SEM1: variants seen among roughly 807,000 people sequenced by gnomAD.
The protein encoded by SEM1 is 26S proteasome complex subunit SEM1.
SEM1 carries 3 observed loss-of-function variants against 12.7 expected under a neutral mutation model. The observed-to-expected ratio is 0.24, with a 90% CI of 0.11 to 0.61. The LOEUF (loss-of-function observed/expected upper bound fraction) is 0.61. SEM1 is among the 20% of genes least tolerant of loss of function. The pLI is 0.88. For missense variants in SEM1, 59 were observed against 81.3 expected (o/e 0.73, Z 1.06); for synonymous variants, 30 against 27.8 (o/e 1.08, Z -0.25).
exon 3 of SEM1, chr7:96,673,648 G>T: frequency 1.5e-6 from 1 of 669,354 alleles, no homozygotes; most frequent in South Asian, 1.7e-5. Context: ...CCTCCTTACT[G>T]ACTCCATGCA....
At chr7:96,582,004 C>G (rs1418497909) in intron 2 of SEM1, among the ~76,000 whole-genome samples, 4 of 147,246 alleles carry the variant, frequency 2.7e-5, no homozygotes, top group African/African-American at 7.5e-5. Context: ...ACTTCCAACA[C>G]TATGTTGAAT....
Position 96,554,805 on chromosome 7 carries a change from G to A in SEM1, c.171-48107C>T, listed in dbSNP as rs557534521. 2.9e-3 allele frequency among the ~76,000 whole-genome samples: 440 copies of A among 151,540 alleles called. 2 individuals carry two copies. Among genetic ancestry groups the A allele is most frequent in the African/African-American group, 0.01 (425 of 41,272 alleles). On this transcript the variant is annotated intron_variant and NMD_transcript_variant, in intron 2 of 3. Transcript: ENST00000466986. The stretch of plus-strand genomic sequence containing the variant: ...CCTCCTTGTACCTCTGGTAGAATTC[G>A]GCTGTGAATCTATCTGGTCCTAGAC...
chr7:96,700,526 T>C (rs1037485481), intron 1 of SEM1, among the ~76,000 whole-genome samples: 1 of 152,152 alleles, frequency 6.6e-6, no homozygotes, highest in Non-Finnish European at 1.5e-5. Context: ...CGTACTTCCT[T>C]TTCCCATTTA....
At chr7:96,491,202 A>T (rs1452364617) in intron 1 of SEM1, among the ~76,000 whole-genome samples, 1 of 152,206 alleles carries the variant, frequency 6.6e-6, no homozygotes. Context: ...TTTGATAAAA[A>T]AAATTCTTCT....
intron 1 of SEM1, among the ~76,000 whole-genome samples, chr7:96,704,041 A>G (rs1013735687): frequency 4.0e-5 from 6 of 151,832 alleles, no homozygotes; most frequent in East Asian, 3.9e-4. Context: ...AAAAACCCTA[A>G]TATCTATCAA....
intron 2 of SEM1, among the ~76,000 whole-genome samples, chr7:96,632,176 C>T (rs990929733): frequency 2.6e-5 from 4 of 152,130 alleles, no homozygotes; most frequent in Admixed American, 2.6e-4. Context: ...ACCAGAAATA[C>T]CATTTGACCC....
At chr7:96,565,488 A>G (rs2115940931) in intron 2 of SEM1, among the ~76,000 whole-genome samples, 1 of 152,028 alleles carries the variant, frequency 6.6e-6, no homozygotes, top group South Asian at 2.1e-4. Flanking sequence ...AAAAGAAGAA[A>G]AAAGTAAATT....
At chr7:96,542,588 G>A (rs1177443241) in intron 2 of SEM1, among the ~76,000 whole-genome samples, 2 of 150,208 alleles carry the variant, frequency 1.3e-5, no homozygotes, top group Admixed American at 1.3e-4. Flanking sequence ...ACATGCAAAT[G>A]GAAAATAAAA....
chr7:96,620,040 G>C (rs1465319633), downstream of SEM1, among the ~76,000 whole-genome samples: 1 of 152,102 alleles, frequency 6.6e-6, no homozygotes, highest in African/African-American at 2.4e-5. Flanking sequence ...TTCCAGAACA[G>C]TGGTATTATT....
intron 2 of SEM1, among the ~76,000 whole-genome samples, chr7:96,676,606 A>C (rs1374894685): frequency 1.3e-5 from 2 of 152,196 alleles, no homozygotes; most frequent in Admixed American, 1.3e-4. Context: ...TACAAGCTAC[A>C]TTTCTGCCAA....
chr7:96,556,560 G>T (rs549853175), intron 2 of SEM1, among the ~76,000 whole-genome samples: 90 of 152,078 alleles, frequency 5.9e-4, no homozygotes, highest in Non-Finnish European at 1.2e-3. Flanking sequence ...CGAGAAATCC[G>T]CTGTTAGTCT....
chr7:96,568,649 T>TAAAC (rs1805926016), intron 2 of SEM1, among the ~76,000 whole-genome samples: 1 of 151,880 alleles, frequency 6.6e-6, no homozygotes, highest in Non-Finnish European at 1.5e-5. Flanking sequence ...ATATATTGTT[T>TAAAC]TTAGTATGTT....
chr7:96,554,133 G>T (rs371238990), intron 2 of SEM1, among the ~76,000 whole-genome samples: 4 of 149,782 alleles, frequency 2.7e-5, no homozygotes, highest in Non-Finnish European at 5.9e-5. Context: ...CAATCATGTC[G>T]TCTGCAAACA....
At chr7:96,586,136 T>G (rs34898775) in intron 2 of SEM1, among the ~76,000 whole-genome samples, 53,506 of 152,070 alleles carry the variant, frequency 0.35, 9,641 homozygotes, top group Admixed American at 0.46. Flanking sequence ...ACCATGTCTG[T>G]CCAATTCTCA....
At chr7:96,483,743 T>C in exon 4 of SEM1, 1 of 1,334,332 alleles carries the variant, frequency 7.5e-7, no homozygotes, top group Non-Finnish European at 1.0e-6. Flanking sequence ...CTAGGAAGTA[T>C]AGTTCTACCA....
intron 2 of SEM1, among the ~76,000 whole-genome samples, chr7:96,515,174 A>G (rs1804050414): frequency 6.6e-6 from 1 of 152,150 alleles, no homozygotes; most frequent in South Asian, 2.1e-4. Flanking sequence ...TGCCAGAACA[A>G]CCGGATATCC....
intron 2 of SEM1, among the ~76,000 whole-genome samples, chr7:96,530,012 T>C (rs1804594124): frequency 6.6e-6 from 1 of 152,068 alleles, no homozygotes; most frequent in Non-Finnish European, 1.5e-5. Flanking sequence ...TCAACTAGCA[T>C]TCGTGGATAT....
chr7:96,673,003 A>G (rs79579957), downstream of SEM1: 6 of 137,808 alleles, frequency 4.4e-5, no homozygotes, highest in East Asian at 1.3e-3. Flanking sequence ...AAAAATGCAT[A>G]TATTTACCAC....
chr7:96,543,673 G>A (rs1456390305), intron 2 of SEM1, among the ~76,000 whole-genome samples: 1 of 151,864 alleles, frequency 6.6e-6, no homozygotes, highest in Non-Finnish European at 1.5e-5. Flanking sequence ...CTTACTCCTA[G>A]CTCCCATATT....
Sources: allele counts gnomAD v4.1 joint callset (sites outside exome capture counted in the v4.1 genomes callset), GRCh38; gene constraint gnomAD v4.1.1; transcripts MANE v1.5; gene names NCBI Gene and HGNC (gene_info 2026-07-23, HGNC 2026-07-21).